Variants in VAT1L observed in about 807,000 individuals in gnomAD.
VAT1L encodes the protein vesicle amine transport 1 like.
VAT1L carries 34 observed loss-of-function variants against 44.1 expected under a neutral mutation model. The observed-to-expected ratio is 0.77, with a 90% confidence interval of 0.59 to 1.03. The LOEUF (loss-of-function observed/expected upper bound fraction) is 1.03, where lower values mean the gene tolerates loss of function less well. Among genes scored for constraint, VAT1L ranks in the 50% least tolerant of loss-of-function variants. The pLI, the probability that VAT1L is intolerant of heterozygous loss-of-function variation, is 0.00. For synonymous variants in VAT1L, 253 were observed against 202.2 expected (o/e 1.25, Z -2.13); for missense variants, 615 against 538.8 (o/e 1.14, Z -1.40).
At chr16:77,947,091 GGAAA>G in intron 7 of VAT1L, among the ~76,000 whole-genome samples, 1 of 152,208 alleles carries the variant, frequency 6.6e-6, no homozygotes, top group East Asian at 1.9e-4. Flanking sequence ...GAAGGACACA[GGAAA>G]GAAAGGGTGA....
At chr16:77,918,942 C>T (rs939269930) in intron 7 of VAT1L, among the ~76,000 whole-genome samples, 1 of 152,096 alleles carries the variant, frequency 6.6e-6, no homozygotes, top group African/African-American at 2.4e-5. Flanking sequence ...TTAAGTTGCT[C>T]AGGAAGCAGG....
chr16:77,814,998 A>C (rs2016327589), intron 1 of VAT1L, among the ~76,000 whole-genome samples: 1 of 152,240 alleles, frequency 6.6e-6, no homozygotes, highest in Non-Finnish European at 1.5e-5. Context: ...AGCCCTGTGA[A>C]GTAGGTACTG....
chr16:77,971,089 G>C (rs2018273503), intron 7 of VAT1L, among the ~76,000 whole-genome samples: 1 of 151,966 alleles, frequency 6.6e-6, no homozygotes, highest in Non-Finnish European at 1.5e-5. Context: ...CCTGTACCAA[G>C]CACCAAGCTC....
At chr16:77,919,856 G>C (rs1013680664) in intron 7 of VAT1L, among the ~76,000 whole-genome samples, 23 of 152,152 alleles carry the variant, frequency 1.5e-4, no homozygotes, top group African/African-American at 5.6e-4. Flanking sequence ...GGGAGGCCAA[G>C]GGAGGCAGAT....
chr16:77,828,853 C>T (rs973675275), intron 3 of VAT1L, among the ~76,000 whole-genome samples: 6 of 152,102 alleles, frequency 3.9e-5, no homozygotes, highest in Admixed American at 3.3e-4. Context: ...GAATACAACC[C>T]TGCTAAGACC....
intron 3 of VAT1L, among the ~76,000 whole-genome samples, chr16:77,839,397 G>A (rs149665407): frequency 1.1e-4 from 16 of 151,888 alleles, no homozygotes; most frequent in Non-Finnish European, 2.1e-4. Context: ...TCAGCTGGGC[G>A]TGGTGGTGGG....
chr16:77,937,062 T>C (rs1374569372), intron 7 of VAT1L, among the ~76,000 whole-genome samples: 1 of 152,148 alleles, frequency 6.6e-6, no homozygotes, highest in Non-Finnish European at 1.5e-5. Flanking sequence ...CTTTTTATTT[T>C]TAGTAGAGAC....
At chr16:77,858,109 C>A (rs1326902535) in intron 3 of VAT1L, among the ~76,000 whole-genome samples, 1 of 152,154 alleles carries the variant, frequency 6.6e-6, no homozygotes, top group Non-Finnish European at 1.5e-5. Context: ...GGTGGAGACA[C>A]AGTCCCTGCC....
chr16:77,947,174 C>T (rs1297147239), intron 7 of VAT1L, among the ~76,000 whole-genome samples: 1 of 152,204 alleles, frequency 6.6e-6, no homozygotes, highest in Non-Finnish European at 1.5e-5. Flanking sequence ...ATTTTAAAGT[C>T]ACACTGACAC....
Position 77,825,285 on chromosome 16 carries a change from T to G in VAT1L, c.403T>G (p.Trp135Gly), listed in dbSNP as rs2016505589. The change falls in exon 3 of 9, where the codon TGG (tryptophan) becomes GGG (glycine). Residue 135 changes from tryptophan (W) to glycine (G), a missense_variant. Coordinates refer to ENST00000302536, the MANE Select transcript of VAT1L (RefSeq NM_020927.3). ...RVMAFVNYNA[W>G]AEVVCTPVEF... Reference sequence around the variant, plus strand: ...CATGGCATTTGTCAATTACAATGCCTGGGCAGAGGTGGTCTGCACACCAGT... The same window carrying G: ...CATGGCATTTGTCAATTACAATGCCGGGGCAGAGGTGGTCTGCACACCAGT... The G allele has an allele frequency of 6.2e-7, 1 of 1,614,078 alleles. No individual in the cohort carries two copies. Among genetic ancestry groups the G allele is most frequent in the Non-Finnish European group, 8.5e-7 (1 of 1,180,054 alleles).
At chr16:77,799,005 A>G (rs1213642263) in intron 1 of VAT1L, among the ~76,000 whole-genome samples, 5 of 151,546 alleles carry the variant, frequency 3.3e-5, no homozygotes, top group Non-Finnish European at 7.4e-5. Flanking sequence ...AGCTTCATGT[A>G]CTCCTGCTGC....
chr16:77,910,488 C>T (rs886348641), intron 7 of VAT1L, among the ~76,000 whole-genome samples: 9 of 151,800 alleles, frequency 5.9e-5, no homozygotes, highest in East Asian at 1.9e-4. Context: ...CTGGCTAACA[C>T]GGTGAAACCC....
intron 7 of VAT1L, among the ~76,000 whole-genome samples, chr16:77,939,522 T>C (rs866748463): frequency 6.6e-6 from 1 of 152,216 alleles, no homozygotes; most frequent in South Asian, 2.1e-4. Flanking sequence ...GTAACAGTTA[T>C]GTGCTAGAAA....
At chr16:77,967,072 T>G (rs1465003288) in intron 7 of VAT1L, among the ~76,000 whole-genome samples, 1 of 151,654 alleles carries the variant, frequency 6.6e-6, no homozygotes, top group Non-Finnish European at 1.5e-5. Flanking sequence ...CCCGCCGGGG[T>G]GCTTTCACTT....
At chr16:77,878,993 C>A (rs2017119645) in intron 5 of VAT1L, among the ~76,000 whole-genome samples, 176 bp from the exon 6 acceptor site, 1 of 152,164 alleles carries the variant, frequency 6.6e-6, no homozygotes, top group South Asian at 2.1e-4. Flanking sequence ...GGACAGTCAG[C>A]TAACATAGTC....
chr16:77,930,929 G>A (rs2017724781), intron 7 of VAT1L, among the ~76,000 whole-genome samples: 1 of 152,136 alleles, frequency 6.6e-6, no homozygotes, highest in Non-Finnish European at 1.5e-5. Context: ...TGAGTAGCTA[G>A]GATCTTCCAG....
intron 7 of VAT1L, among the ~76,000 whole-genome samples, chr16:77,889,344 T>C (rs1482265393): frequency 6.6e-6 from 1 of 152,212 alleles, no homozygotes; most frequent in Non-Finnish European, 1.5e-5. Context: ...GCCTCGGGTT[T>C]GCTTCCAGAT....
chr16:77,862,221 C>A (rs1217145430), intron 3 of VAT1L, among the ~76,000 whole-genome samples: 1 of 152,190 alleles, frequency 6.6e-6, no homozygotes, highest in Non-Finnish European at 1.5e-5. Context: ...GTGGTTGTCA[C>A]AACTGGGAGG....
intron 5 of VAT1L, among the ~76,000 whole-genome samples, chr16:77,878,620 C>G (rs754983113): frequency 6.6e-6 from 1 of 152,130 alleles, no homozygotes; most frequent in Non-Finnish European, 1.5e-5. Flanking sequence ...CTCTTTGGAG[C>G]TGACACATGG....
Sources: gnomAD v4.1 joint callset for allele counts (sites outside exome capture counted in the v4.1 genomes callset) on GRCh38, gnomAD v4.1.1 for gene constraint, MANE v1.5 for transcripts, NCBI Gene and HGNC (gene_info 2026-07-23, HGNC 2026-07-21) for gene names.